Variants in DAGLA observed in about 807,000 individuals in gnomAD.
DAGLA encodes the protein diacylglycerol lipase alpha.
DAGLA carries 22 observed loss-of-function variants against 102.6 expected under a neutral mutation model. That is an observed-to-expected ratio of 0.21 (90% CI 0.15 to 0.31). The LOEUF (loss-of-function observed/expected upper bound fraction) is 0.31. Among genes scored for constraint, DAGLA ranks in the 10% least tolerant of loss-of-function variants. The probability of loss-of-function intolerance (pLI) is 1.00; values close to 1 mark genes in which losing one functional copy is unlikely to be tolerated. For missense variants in DAGLA, 927 were observed against 1,446.6 expected (o/e 0.64, Z 5.83); for synonymous variants, 578 against 628.9 (o/e 0.92, Z 1.21).
chr11:61,746,079 C>T lies in DAGLA; in HGVS notation c.*1590C>T, dbSNP rs964960905. The stretch of plus-strand genomic sequence containing the variant: ...CCTCCCTGGGTGGCCTAGGCTCCCC[C>T]GACCAAGAGACCTCCCTCTCATGAT... On this transcript the variant is annotated 3_prime_UTR_variant, in exon 20 of 20. Coordinates refer to ENST00000257215, the MANE Select transcript of DAGLA (RefSeq NM_006133.3). 3 of 152,358 alleles carry T rather than the reference C, an allele frequency of 2.0e-5. No homozygotes were observed. The highest frequency in any genetic ancestry group is 4.8e-5 in the African/African-American group (2 of 41,432). 9.4% of individuals were successfully genotyped at this position (152,358 alleles called of 1,614,324 possible). A position where few individuals can be genotyped will look rare whatever the true frequency, so the allele number is the denominator to read the frequency against.
intron 10 of DAGLA, 27 bp from the exon 11 acceptor site, chr11:61,735,534 C>T (rs1188835473): frequency 3.1e-6 from 5 of 1,610,458 alleles, no homozygotes; most frequent in African/African-American, 1.3e-5. Flanking sequence ...CAGGGCCGCT[C>T]AGGCTCACGA....
chr11:61,735,526 G>A, intron 10 of DAGLA, 35 bp from the exon 11 acceptor site: 1 of 1,604,130 alleles, frequency 6.2e-7, no homozygotes, highest in African/African-American at 1.3e-5. Context: ...GGCCCCACCA[G>A]GGCCGCTCAG....
chr11:61,697,718 TCACCCAGC>T (rs1264029044), intron 1 of DAGLA, among the ~76,000 whole-genome samples: 1 of 152,130 alleles, frequency 6.6e-6, no homozygotes, highest in Non-Finnish European at 1.5e-5. Context: ...TCTTGCTCTG[TCACCCAGC>T]CTGGAGTGCC....
At chr11:61,692,386 A>C (rs535969330) in intron 1 of DAGLA, among the ~76,000 whole-genome samples, 70 of 150,738 alleles carry the variant, frequency 4.6e-4, no homozygotes, top group African/African-American at 1.6e-3. Flanking sequence ...AGATTGGTTA[A>C]CTCCAGCCTC....
At position 61,720,721 on chromosome 11, in the gene DAGLA, C is replaced by G. The variant is rs1292559649; in HGVS notation, c.138C>G (p.Asn46Lys). The G allele has an allele frequency of 1.2e-6, 2 of 1,613,974 alleles. No homozygotes were observed. The highest frequency in any genetic ancestry group is 2.2e-5 in the South Asian group (2 of 91,074). ...LSVVLFGLVY[N>K]PHEACSLNLV... ...TGGTGCTCTTCGGCCTGGTCTATAA[C>G]CCGCACGAGGCCTGCTCCCTGAACC... Residue 46 changes from asparagine (N) to lysine (K), a missense_variant, in exon 3 of 20, where the codon AAC becomes AAG. Coordinates refer to ENST00000257215, the MANE Select transcript of DAGLA (RefSeq NM_006133.3).
At chr11:61,733,786 T>C (rs956824647) in intron 9 of DAGLA, among the ~76,000 whole-genome samples, 4 of 152,148 alleles carry the variant, frequency 2.6e-5, no homozygotes, top group Admixed American at 1.3e-4. Flanking sequence ...ACAAGGCAAA[T>C]AGGGCACATG....
chr11:61,684,743 G>C lies in DAGLA; in HGVS notation c.-45+4239G>C, dbSNP rs1006445456. On this transcript the variant is annotated intron_variant, in intron 1 of 19. Transcript: ENST00000257215. This position sits in a 1 kb window ranked among gnomAD's most constrained non-coding sequence, Gnocchi z 4.5. ...TGTTTCTGTGGGAAGTGAGGGCGGA[G>C]GGGGTGTGGAGCGCCTGGTGGTGTG... 1.3e-5 allele frequency among the ~76,000 whole-genome samples: 2 copies of C among 152,126 alleles called. No homozygotes were observed. The highest frequency in any genetic ancestry group is 1.5e-5 in the Non-Finnish European group (1 of 68,028).
rs776542702 is a variant in DAGLA at position 61,720,707 on chromosome 11, G to A, written c.124G>A (p.Gly42Ser). The change falls in exon 3 of 20, where the codon GGC (glycine) becomes AGC (serine). Residue 42 changes from glycine to serine, a missense_variant. By Grantham distance (56) the Gly-to-Ser change is moderately conservative. Around this residue, in one of 4 missense-constraint regions of DAGLA, gnomAD observed 231 missense variants for 439.8 expected, o/e 0.53. Transcript: ENST00000257215. ...WFVILSVVLF[G>S]LVYNPHEACS... ...TGTGATCCTGTCCGTGGTGCTCTTC[G>A]GCCTGGTCTATAACCCGCACGAGGC... 1.9e-6 allele frequency: 3 copies of A among 1,613,734 alleles called. No individual in the cohort carries two copies. Among genetic ancestry groups the A allele is most frequent in the Non-Finnish European group, 2.5e-6 (3 of 1,180,044 alleles).
At chr11:61,700,443 T>C (rs1447686121) in intron 1 of DAGLA, among the ~76,000 whole-genome samples, 1 of 152,186 alleles carries the variant, frequency 6.6e-6, no homozygotes, top group African/African-American at 2.4e-5. Context: ...GGGCCAGCCC[T>C]GGAGGCGGAA....
chr11:61,714,133 A>G (rs1025455698), intron 1 of DAGLA, among the ~76,000 whole-genome samples: 1 of 152,136 alleles, frequency 6.6e-6, no homozygotes, highest in African/African-American at 2.4e-5. Context: ...GGGGGCCCTT[A>G]TGTCTCACAT....
At chr11:61,729,110 A>T in intron 8 of DAGLA, 102 bp downstream of exon 8, 1 of 1,019,156 alleles carries the variant, frequency 9.8e-7, no homozygotes, top group Non-Finnish European at 1.5e-6. Context: ...AGTGCCAGCC[A>T]CATTGCCCCT....
chr11:61,741,199 T>C lies in DAGLA; in HGVS notation c.2021T>C (p.Leu674Pro). The C allele has an allele frequency of 6.2e-7, 1 of 1,613,548 alleles. No homozygotes were observed. Among genetic ancestry groups the C allele is most frequent in the Non-Finnish European group, 8.5e-7 (1 of 1,179,988 alleles). ...ENYNKGKTAL[L>P]SAAKVMVSPT... is the part of the protein sequence containing the mutation. Reference sequence around the variant, plus strand: ...TACAACAAGGGGAAGACCGCTCTGCTCTCTGCAGCCAAGGTCATGGTGAGC... The same window carrying C: ...TACAACAAGGGGAAGACCGCTCTGCCCTCTGCAGCCAAGGTCATGGTGAGC... Residue 674 changes from leucine to proline, a missense_variant, in exon 19 of 20, where the codon CTC becomes CCC. Around this residue, in one of 4 missense-constraint regions of DAGLA, gnomAD observed 218 missense variants for 459.6 expected, o/e 0.47. Coordinates refer to ENST00000257215, the MANE Select transcript of DAGLA (RefSeq NM_006133.3).
intron 1 of DAGLA, among the ~76,000 whole-genome samples, chr11:61,702,454 G>A (rs1198361698): frequency 6.6e-6 from 1 of 152,222 alleles, no homozygotes; most frequent in Non-Finnish European, 1.5e-5. Flanking sequence ...CTGAGCCAGA[G>A]GCTGCAGACC....
chr11:61,722,718 T>C (rs927691754), intron 3 of DAGLA, 141 bp from the exon 4 acceptor site: 13 of 656,510 alleles, frequency 2.0e-5, no homozygotes, highest in Non-Finnish European at 3.2e-5. Context: ...GGGTGGGGGG[T>C]CTGCTAATGG....
chr11:61,728,066 C>T, intron 6 of DAGLA, 87 bp from the exon 7 acceptor site: 1 of 1,497,630 alleles, frequency 6.7e-7, no homozygotes, highest in East Asian at 2.3e-5. Context: ...GCTTCTGCAG[C>T]CTCCCAGCCC....
At chr11:61,741,615 T>A (rs1183244821) in intron 19 of DAGLA, among the ~76,000 whole-genome samples, 2 of 151,036 alleles carry the variant, frequency 1.3e-5, no homozygotes, top group African/African-American at 4.9e-5. Context: ...CTCTTTTTTT[T>A]TTTTTTTTTT....
At chr11:61,700,197 G>A (rs1430480930) in intron 1 of DAGLA, among the ~76,000 whole-genome samples, 1 of 151,968 alleles carries the variant, frequency 6.6e-6, no homozygotes, top group African/African-American at 2.4e-5. Flanking sequence ...CTGGGTTGTG[G>A]GGGTGACGGG....
intron 6 of DAGLA, among the ~76,000 whole-genome samples, chr11:61,726,915 C>T (rs1006856684): frequency 6.6e-6 from 1 of 152,236 alleles, no homozygotes; most frequent in Non-Finnish European, 1.5e-5. Flanking sequence ...GGGGAGCACC[C>T]CCTTGGGTCT....
chr11:61,718,769 C>T (rs1350378351), intron 1 of DAGLA, among the ~76,000 whole-genome samples: 2 of 152,188 alleles, frequency 1.3e-5, no homozygotes, highest in Non-Finnish European at 1.5e-5. Flanking sequence ...CCCGCCAGCC[C>T]GCCAGGCCAC....
Sources: gnomAD v4.1 joint callset for allele counts (sites outside exome capture counted in the v4.1 genomes callset) on GRCh38, gnomAD v4.1.1 for gene constraint, gnomAD v4.1.1 regional missense constraint, Gnocchi (gnomAD v3.1) non-coding constraint, MANE v1.5 for transcripts, NCBI Gene and HGNC (gene_info 2026-07-23, HGNC 2026-07-21) for gene names.